Variants in ZFHX3 observed in about 807,000 individuals in gnomAD.
ZFHX3 encodes the protein zinc finger homeobox protein 3.
Under a neutral mutation model 279.1 loss-of-function variants are expected in ZFHX3, and 42 were observed. That is an observed-to-expected ratio of 0.15 (90% CI 0.12 to 0.19). ZFHX3 has a LOEUF of 0.19. Among genes scored for constraint, ZFHX3 ranks in the 10% least tolerant of loss-of-function variants. The pLI, the probability that ZFHX3 is intolerant of heterozygous loss-of-function variation, is 1.00. For missense variants in ZFHX3, 4,981 were observed against 4,754.0 expected (o/e 1.05, Z -1.40); for synonymous variants, 2,293 against 1,957.8 (o/e 1.17, Z -4.52).
intron 1 of ZFHX3, among the ~76,000 whole-genome samples, chr16:73,744,577 A>G (rs1157900929): frequency 6.6e-6 from 1 of 152,162 alleles, no homozygotes; most frequent in Non-Finnish European, 1.5e-5. Context: ...GAACAGGCAC[A>G]GATTTATTTT....
intron 5 of ZFHX3, among the ~76,000 whole-genome samples, chr16:73,205,041 T>C (rs1313569328): frequency 6.6e-6 from 1 of 152,074 alleles, no homozygotes; most frequent in Non-Finnish European, 1.5e-5. Flanking sequence ...GTGTTTATTG[T>C]GGGGTAAGAC....
intron 3 of ZFHX3, among the ~76,000 whole-genome samples, chr16:73,455,729 GCT>G (rs2018359984): frequency 1.2e-5 from 1 of 83,782 alleles, no homozygotes; most frequent in Non-Finnish European, 2.9e-5. Context: ...TTAAAATATT[GCT>G]TTTTTTTTTT....
chr16:73,173,896 C>A (rs996676977), intron 5 of ZFHX3, among the ~76,000 whole-genome samples: 6 of 152,184 alleles, frequency 3.9e-5, no homozygotes, highest in Non-Finnish European at 7.4e-5. Context: ...GACCTTCATT[C>A]CTTTAAGATT....
chr16:73,471,475 C>A (rs2018665666), intron 2 of ZFHX3, among the ~76,000 whole-genome samples: 1 of 151,946 alleles, frequency 6.6e-6, no homozygotes. Flanking sequence ...ATGGTGCAAT[C>A]TTGGCTCACT....
At chr16:73,878,419 C>T (rs756504300) in intron 1 of ZFHX3, among the ~76,000 whole-genome samples, 3 of 152,070 alleles carry the variant, frequency 2.0e-5, no homozygotes, top group African/African-American at 2.4e-5. Flanking sequence ...AAATCTTTGA[C>T]ACAGAGTAAA....
At chr16:73,848,913 A>G (rs1356025522) in intron 1 of ZFHX3, among the ~76,000 whole-genome samples, 1 of 152,224 alleles carries the variant, frequency 6.6e-6, no homozygotes, top group Admixed American at 6.5e-5. Context: ...GCATGCAACT[A>G]CAAGCCACAT....
At chr16:73,002,249 T>C (rs1963525175) in intron 1 of ZFHX3, among the ~76,000 whole-genome samples, 1 of 152,126 alleles carries the variant, frequency 6.6e-6, no homozygotes, top group Non-Finnish European at 1.5e-5. Context: ...AAGCTTCTAC[T>C]TCTCTGGCCA....
At chr16:73,439,909 C>CAAAAAAAA (rs71156164) in intron 3 of ZFHX3, among the ~76,000 whole-genome samples, 9 of 75,446 alleles carry the variant, frequency 1.2e-4, no homozygotes, top group African/African-American at 2.5e-4. Flanking sequence ...GGGAGAGGGA[C>CAAAAAAAA]AAAAAAAAAA....
Position 73,088,804 on chromosome 16 carries a change from G to C in ZFHX3, c.-533+4431C>G, listed in dbSNP as rs564834527. Among the ~76,000 whole-genome samples, 52 of 152,306 alleles carry C rather than the reference G, an allele frequency of 3.4e-4. No individual in the cohort carries two copies. In the South Asian group the frequency reaches 0.011, roughly 31 times the overall value. ...ACAGGAGCTCATCTTATCACAAGAA[G>C]TCTGGTCTTCTAACCTCATAGTGCT... On this transcript the variant is annotated intron_variant, in intron 8 of 17. Coordinates refer to the ZFHX3 transcript ENST00000641206.
intron 2 of ZFHX3, among the ~76,000 whole-genome samples, chr16:73,665,916 T>G (rs1172892060): frequency 6.7e-6 from 1 of 148,836 alleles, no homozygotes; most frequent in Non-Finnish European, 1.5e-5. Context: ...CCCGGGTTCA[T>G]GCCATTCTTC....
intron 4 of ZFHX3, among the ~76,000 whole-genome samples, chr16:73,307,860 T>C (rs2015218218): frequency 2.0e-5 from 3 of 152,256 alleles, no homozygotes; most frequent in African/African-American, 7.2e-5. Context: ...AACTGTGGGA[T>C]GACATTTGGA....
chr16:73,842,307 G>A (rs1350968634), intron 1 of ZFHX3, among the ~76,000 whole-genome samples: 2 of 152,150 alleles, frequency 1.3e-5, no homozygotes, highest in Admixed American at 1.3e-4. Flanking sequence ...GCCACCAGGG[G>A]AAATGGTGGC....
intron 8 of ZFHX3, among the ~76,000 whole-genome samples, chr16:73,071,127 A>T (rs1294432440): frequency 1.7e-4 from 19 of 112,714 alleles, no homozygotes; most frequent in East Asian, 6.8e-4. Flanking sequence ...TTTCTAAATT[A>T]AAAAAAAAAA....
At chr16:73,708,811 T>C (rs780181137) in intron 1 of ZFHX3, among the ~76,000 whole-genome samples, 8 of 152,102 alleles carry the variant, frequency 5.3e-5, no homozygotes, top group Non-Finnish European at 1.2e-4. Context: ...GCGGGGGATG[T>C]AGGTAACTTA....
intron 1 of ZFHX3, among the ~76,000 whole-genome samples, chr16:73,680,736 C>T (rs1444080891): frequency 1.3e-5 from 2 of 152,236 alleles, no homozygotes; most frequent in Non-Finnish European, 1.5e-5. Flanking sequence ...TCATGGAATT[C>T]GTCTTATCCT....
intron 5 of ZFHX3, among the ~76,000 whole-genome samples, chr16:73,219,821 C>T (rs1463931084): frequency 2.0e-5 from 3 of 152,158 alleles, no homozygotes; most frequent in African/African-American, 7.2e-5. Context: ...CATGGTGGCT[C>T]ACGCCTGTAA....
chr16:73,109,394 C>T (rs1390078772), intron 7 of ZFHX3, among the ~76,000 whole-genome samples: 1 of 152,064 alleles, frequency 6.6e-6, no homozygotes, highest in Non-Finnish European at 1.5e-5. Context: ...ATACATTTAA[C>T]CAACATAAAT....
At chr16:73,256,043 C>T (rs2144962368) in intron 5 of ZFHX3, among the ~76,000 whole-genome samples, 1 of 152,300 alleles carries the variant, frequency 6.6e-6, no homozygotes, top group South Asian at 2.1e-4. Flanking sequence ...ATAGCGACGG[C>T]AAAGCTCATT....
intron 1 of ZFHX3, among the ~76,000 whole-genome samples, chr16:72,961,085 G>C (rs1358678516): frequency 1.3e-5 from 2 of 152,134 alleles, no homozygotes; most frequent in Non-Finnish European, 2.9e-5. Flanking sequence ...AGCAGGAATG[G>C]ACCAGACTCT....
Sources: allele counts gnomAD v4.1 joint callset (sites outside exome capture counted in the v4.1 genomes callset), GRCh38; gene constraint gnomAD v4.1.1; transcripts MANE v1.5; gene names NCBI Gene and HGNC (gene_info 2026-07-23, HGNC 2026-07-21).